Variants in PCDHGA6 observed in about 807,000 individuals in gnomAD.
PCDHGA6 encodes the protein protocadherin gamma subfamily A, 6, also known as protocadherin gamma-A6.
Under a neutral mutation model 60.6 loss-of-function variants are expected in PCDHGA6, and 41 were observed. That is an observed-to-expected ratio of 0.68 (90% CI 0.53 to 0.88). The LOEUF is 0.88. Ranked by LOEUF, PCDHGA6 falls within the 40% of genes least tolerant of loss-of-function variation. PCDHGA6 has a pLI of 0.00. For missense variants in PCDHGA6, 1,312 were observed against 1,203.0 expected (o/e 1.09, Z -1.34); for synonymous variants, 594 against 524.4 (o/e 1.13, Z -1.81).
At chr5:141,408,213 G>A in intron 1 of PCDHGA6, 1 of 1,554,970 alleles carries the variant, frequency 6.4e-7, no homozygotes, top group South Asian at 1.2e-5. Flanking sequence ...ATGGGAGGGA[G>A]CTGCGCGCAG....
At chr5:141,415,205 C>A (rs2095843771) in intron 1 of PCDHGA6, 2 of 1,614,040 alleles carry the variant, frequency 1.2e-6, no homozygotes, top group Non-Finnish European at 1.7e-6. Context: ...CAAGTCCTGG[C>A]GGACCTCGGC....
chr5:141,458,506 A>G (rs1443711702), intron 1 of PCDHGA6, among the ~76,000 whole-genome samples: 1 of 150,282 alleles, frequency 6.7e-6, no homozygotes, highest in Non-Finnish European at 1.5e-5. Flanking sequence ...ATACTGTTTG[A>G]CACTTTGTTT....
intron 1 of PCDHGA6, among the ~76,000 whole-genome samples, chr5:141,474,185 C>A (rs1481544975): frequency 6.6e-6 from 1 of 152,180 alleles, no homozygotes; most frequent in Non-Finnish European, 1.5e-5. Flanking sequence ...AAACTACTTA[C>A]ATTTTTAAAA....
chr5:141,394,405 T>C, intron 1 of PCDHGA6: 2 of 1,614,222 alleles, frequency 1.2e-6, no homozygotes, highest in Non-Finnish European at 1.7e-6. Context: ...CTGCAGCTAC[T>C]GGTAACAGCC....
intron 1 of PCDHGA6, among the ~76,000 whole-genome samples, chr5:141,450,826 A>T (rs965147554): frequency 1.9e-4 from 26 of 134,356 alleles, no homozygotes; most frequent in East Asian, 6.4e-4. Context: ...TATTATTATT[A>T]TTATTTTTTT....
At chr5:141,405,489 G>A (rs1008095215) in intron 1 of PCDHGA6, 51 of 894,082 alleles carry the variant, frequency 5.7e-5, no homozygotes, top group Non-Finnish European at 7.7e-5. Context: ...GTGTGATCTC[G>A]GCTCATTGCA....
intron 1 of PCDHGA6, among the ~76,000 whole-genome samples, chr5:141,447,405 T>C (rs1045202682): frequency 6.6e-6 from 1 of 152,068 alleles, no homozygotes; most frequent in Non-Finnish European, 1.5e-5. Context: ...CCCAAAGTGC[T>C]GGGATTACAG....
At chr5:141,404,888 G>A (rs778498828) in intron 1 of PCDHGA6, 9 of 1,613,762 alleles carry the variant, frequency 5.6e-6, no homozygotes, top group East Asian at 2.2e-5. Context: ...TGTGGTGGCT[G>A]TACAGGACCA....
chr5:141,484,426 C>T (rs377504062), intron 1 of PCDHGA6, among the ~76,000 whole-genome samples: 1 of 152,188 alleles, frequency 6.6e-6, no homozygotes, highest in African/African-American at 2.4e-5. Context: ...ACAATGAGAA[C>T]ATGTACTGCA....
In PCDHGA6 at chr5:141,434,333, G is replaced by A. The variant is rs200059384; in HGVS notation, c.2424+57826G>A. On this transcript the variant is annotated intron_variant, in intron 1 of 3. Coordinates refer to ENST00000517434, the MANE Select transcript of PCDHGA6 (RefSeq NM_018919.3). The stretch of plus-strand genomic sequence containing the variant: ...TCTTCCTCTTGCTGCTTGTCTCTTT[G>A]TGTCGGGAACAGGCCCCCCAAAATC... Among the ~76,000 whole-genome samples, 23 of 152,220 alleles carry A rather than the reference G, an allele frequency of 1.5e-4. No individual in the cohort carries two copies. In the East Asian group the frequency reaches 4.3e-3, roughly 28 times the overall value.
At chr5:141,472,786 G>A (rs549389294) in intron 1 of PCDHGA6, among the ~76,000 whole-genome samples, 1 of 151,888 alleles carries the variant, frequency 6.6e-6, no homozygotes, top group Non-Finnish European at 1.5e-5. Flanking sequence ...GGGAGTTCAA[G>A]ATCAGCCTGA....
At chr5:141,452,528 A>T (rs1592223895) in intron 1 of PCDHGA6, among the ~76,000 whole-genome samples, 1 of 152,206 alleles carries the variant, frequency 6.6e-6, no homozygotes, top group African/African-American at 2.4e-5. Flanking sequence ...CAAAATCGTG[A>T]GTTCATATTG....
At chr5:141,402,474 G>T (rs2094271773) in intron 1 of PCDHGA6, among the ~76,000 whole-genome samples, 1 of 152,122 alleles carries the variant, frequency 6.6e-6, no homozygotes, top group South Asian at 2.1e-4. Flanking sequence ...GAAATAGAGT[G>T]CAAAGTTCTA....
intron 1 of PCDHGA6, chr5:141,390,863 T>C (rs1292623547): frequency 6.6e-6 from 1 of 150,928 alleles, no homozygotes. Flanking sequence ...GTACGCTGTG[T>C]GTGCGTGTGT....
intron 1 of PCDHGA6, among the ~76,000 whole-genome samples, chr5:141,475,750 T>C (rs1158317865): frequency 6.6e-6 from 1 of 152,270 alleles, no homozygotes; most frequent in African/African-American, 2.4e-5. Context: ...AGGTTTCCTA[T>C]GCACCGATAC....
chr5:141,392,305 GT>G (rs148037308), intron 1 of PCDHGA6: 5,240 of 152,054 alleles, frequency 0.034, 107 homozygotes, highest in Middle Eastern at 0.088. Flanking sequence ...AAAGTATCAT[GT>G]TTTTTTTAAG....
At chr5:141,484,989 T>C (rs1295192640) in intron 1 of PCDHGA6, 4 of 604,024 alleles carry the variant, frequency 6.6e-6, no homozygotes, top group Non-Finnish European at 1.2e-5. Context: ...AATCGGGTGG[T>C]GAAAGGCAGA....
intron 1 of PCDHGA6, chr5:141,400,251 C>T (rs2093990443): frequency 6.2e-7 from 1 of 1,614,014 alleles, no homozygotes; most frequent in Non-Finnish European, 8.5e-7. Flanking sequence ...TGGCCGTTGC[C>T]TTGCGCCTGC....
At chr5:141,388,405 C>A in intron 1 of PCDHGA6, 1 of 1,613,892 alleles carries the variant, frequency 6.2e-7, no homozygotes, top group Non-Finnish European at 8.5e-7. Context: ...CAACTCAGTC[C>A]CAGTGATCAT....
Sources: gnomAD v4.1 joint callset for allele counts (sites outside exome capture counted in the v4.1 genomes callset) on GRCh38, gnomAD v4.1.1 for gene constraint, MANE v1.5 for transcripts, NCBI Gene and HGNC (gene_info 2026-07-23, HGNC 2026-07-21) for gene names.